The following SH3GL3 variants were observed in gnomAD, a reference collection of about 807,000 sequenced individuals.
The protein encoded by SH3GL3 is SH3 domain containing GRB2 like 3, endophilin A3.
In SH3GL3, 33 loss-of-function variants were observed where a neutral mutation model predicts 47.7. The ratio of observed to expected loss-of-function variants is 0.69; its 90% CI spans 0.52 to 0.92. SH3GL3 has a LOEUF of 0.92. Ranked by LOEUF, SH3GL3 falls within the 40% of genes least tolerant of loss-of-function variation. SH3GL3 has a pLI of 0.00. For missense variants in SH3GL3, 363 were observed against 417.8 expected (o/e 0.87, Z 1.14); for synonymous variants, 155 against 148.8 (o/e 1.04, Z -0.30).
the SH3GL3 span, among the ~76,000 whole-genome samples, chr15:83,624,854 C>G: frequency 8.4e-4 from 128 of 152,228 alleles, 1 homozygote; most frequent in Non-Finnish European, 1.2e-3. Context: ...GACCAAGGAA[C>G]CCTGGGAACC....
chr15:83,482,183 A>G (rs987506044), intron 1 of SH3GL3, among the ~76,000 whole-genome samples: 3 of 152,128 alleles, frequency 2.0e-5, no homozygotes, highest in Non-Finnish European at 2.9e-5. Flanking sequence ...GATATTTTCC[A>G]TTTTTAAATT....
At chr15:83,472,959 C>T (rs75144343) in intron 1 of SH3GL3, among the ~76,000 whole-genome samples, 13,763 of 152,088 alleles carry the variant, frequency 0.09, 810 homozygotes, top group East Asian at 0.26. Flanking sequence ...TGAGGGGGAG[C>T]GAGAGTTCCG....
chr15:83,521,522 G>T (rs2043203629), intron 1 of SH3GL3, among the ~76,000 whole-genome samples: 1 of 152,134 alleles, frequency 6.6e-6, no homozygotes, highest in African/African-American at 2.4e-5. Flanking sequence ...CCCGCTGCTG[G>T]AAGGATGACC....
chr15:83,459,894 G>A (rs1424380084), intron 1 of SH3GL3, among the ~76,000 whole-genome samples: 1 of 151,896 alleles, frequency 6.6e-6, no homozygotes, highest in African/African-American at 2.4e-5. Context: ...TAACTGGAGT[G>A]GTGACTCTCA....
chr15:83,488,489 G>A (rs1232083060), intron 1 of SH3GL3, among the ~76,000 whole-genome samples: 1 of 152,210 alleles, frequency 6.6e-6, no homozygotes, highest in Non-Finnish European at 1.5e-5. Flanking sequence ...GCAGTCCGTG[G>A]AGTCAGGGTG....
At chr15:83,500,630 A>G (rs1169886756) in intron 1 of SH3GL3, among the ~76,000 whole-genome samples, 1 of 152,180 alleles carries the variant, frequency 6.6e-6, no homozygotes, top group East Asian at 1.9e-4. Context: ...CCTATGGTGA[A>G]CCTCAACCAA....
At chr15:83,520,228 TTATA>T (rs1428425972) in intron 1 of SH3GL3, among the ~76,000 whole-genome samples, 1 of 152,136 alleles carries the variant, frequency 6.6e-6, no homozygotes. Flanking sequence ...GAAATTGTCT[TTATA>T]TACTGGACAG....
intron 2 of SH3GL3, 93 bp from the exon 3 acceptor site, chr15:83,565,041 G>T: frequency 5.1e-6 from 3 of 588,322 alleles, no homozygotes; most frequent in South Asian, 4.6e-5. Context: ...CGTGTTAGAA[G>T]AATTAAATTA....
chr15:83,506,415 A>G (rs2042505083), intron 1 of SH3GL3, among the ~76,000 whole-genome samples: 1 of 151,964 alleles, frequency 6.6e-6, no homozygotes, highest in South Asian at 2.1e-4. Flanking sequence ...CTCTTTTGTT[A>G]ATTGCTCATT....
chr15:83,495,825 T>C (rs1596106765), intron 1 of SH3GL3, among the ~76,000 whole-genome samples: 1 of 152,164 alleles, frequency 6.6e-6, no homozygotes, highest in Admixed American at 6.5e-5. Context: ...TATGATAGAC[T>C]CCACTCTGTG....
At chr15:83,457,327 C>T (rs963290114) in intron 1 of SH3GL3, among the ~76,000 whole-genome samples, 17 of 152,196 alleles carry the variant, frequency 1.1e-4, no homozygotes, top group African/African-American at 4.1e-4. Context: ...TTCTTTATGC[C>T]TTTTAACTTC....
chr15:83,450,023 C>T (rs529348471), intron 1 of SH3GL3, among the ~76,000 whole-genome samples: 1 of 152,264 alleles, frequency 6.6e-6, no homozygotes, highest in South Asian at 2.1e-4. Flanking sequence ...GGAAGGGAGC[C>T]CCAGATGATG....
chr15:83,587,109 C>G (rs759590531), intron 7 of SH3GL3, 23 bp downstream of exon 7: 1 of 1,348,758 alleles, frequency 7.4e-7, no homozygotes, highest in Non-Finnish European at 1.1e-6. Context: ...ACGTTTCTTA[C>G]AAGCCAAGGG....
intron 1 of SH3GL3, among the ~76,000 whole-genome samples, chr15:83,532,495 G>A (rs73448424): frequency 0.013 from 1,919 of 152,194 alleles, 47 homozygotes; most frequent in African/African-American, 0.043. Context: ...AGGTGGGAGT[G>A]GACAGTAGAT....
At chr15:83,537,120 G>A (rs1450249033) in intron 1 of SH3GL3, among the ~76,000 whole-genome samples, 1 of 152,162 alleles carries the variant, frequency 6.6e-6, no homozygotes, top group South Asian at 2.1e-4. Flanking sequence ...GTGGCCAAGG[G>A]GGACTCAGGG....
chr15:83,450,759 C>T (rs369566343), intron 1 of SH3GL3, among the ~76,000 whole-genome samples: 6,475 of 43,896 alleles, frequency 0.15, no homozygotes, highest in Middle Eastern at 0.17. Flanking sequence ...GGATATTTTT[C>T]TTTTTTTTTT....
At chr15:83,625,980 C>T in the SH3GL3 span, among the ~76,000 whole-genome samples, 1 of 152,028 alleles carries the variant, frequency 6.6e-6, no homozygotes, top group Non-Finnish European at 1.5e-5. Flanking sequence ...TTACAGGCAC[C>T]CACCACCACA....
chr15:83,564,604 G>A (rs1287689305), intron 2 of SH3GL3, among the ~76,000 whole-genome samples: 1 of 152,138 alleles, frequency 6.6e-6, no homozygotes, highest in Non-Finnish European at 1.5e-5. Flanking sequence ...GGAACGTTTG[G>A]GGAAAACTTT....
the SH3GL3 span, among the ~76,000 whole-genome samples, chr15:83,626,283 C>T: frequency 2.0e-5 from 3 of 152,212 alleles, no homozygotes; most frequent in Non-Finnish European, 4.4e-5. Flanking sequence ...AAGTAACAAT[C>T]TGATTCAGTG....
Sources: allele counts gnomAD v4.1 joint callset (sites outside exome capture counted in the v4.1 genomes callset), GRCh38; gene constraint gnomAD v4.1.1; transcripts MANE v1.5; gene names NCBI Gene and HGNC (gene_info 2026-07-23, HGNC 2026-07-21).